Variants in GRIN2A observed in about 807,000 individuals in gnomAD.
GRIN2A encodes glutamate receptor ionotropic, NMDA 2A.
GRIN2A carries 22 observed loss-of-function variants against 113.4 expected under a neutral mutation model. The observed-to-expected ratio is 0.19, with a 90% CI of 0.14 to 0.28. The LOEUF is 0.28. Among genes scored for constraint, GRIN2A ranks in the 10% least tolerant of loss-of-function variants. GRIN2A has a pLI of 1.00. For missense variants in GRIN2A, 1,502 were observed against 1,887.0 expected, an observed-to-expected ratio of 0.80 and a Z score of 3.78; for synonymous variants, 827 against 738.4, an observed-to-expected ratio of 1.12 and a Z score of -1.94.
intron 3 of GRIN2A, among the ~76,000 whole-genome samples, chr16:9,902,587 T>C (rs2043949490): frequency 2.0e-5 from 3 of 152,222 alleles, no homozygotes. Context: ...ACTGGTTATT[T>C]GAACCAAAAT....
intron 11 of GRIN2A, among the ~76,000 whole-genome samples, chr16:9,787,683 A>G (rs562057381): frequency 7.2e-5 from 11 of 152,228 alleles, no homozygotes; most frequent in Non-Finnish European, 1.5e-4. Context: ...TGTGACATGT[A>G]GTTATCCTTC....
At chr16:10,052,610 C>T (rs921614919) in intron 2 of GRIN2A, among the ~76,000 whole-genome samples, 2 of 152,094 alleles carry the variant, frequency 1.3e-5, no homozygotes, top group South Asian at 2.1e-4. Flanking sequence ...GGCTGGCTGG[C>T]GGTAAAGACC....
At chr16:10,026,741 T>C (rs1269747231) in intron 2 of GRIN2A, among the ~76,000 whole-genome samples, 1 of 152,156 alleles carries the variant, frequency 6.6e-6, no homozygotes, top group Non-Finnish European at 1.5e-5. Context: ...CTCCACTCAG[T>C]GAGAAACACG....
chr16:10,026,979 A>G (rs577817571), intron 2 of GRIN2A, among the ~76,000 whole-genome samples: 70 of 152,202 alleles, frequency 4.6e-4, no homozygotes, highest in African/African-American at 1.7e-3. Flanking sequence ...TCAAAACCCC[A>G]TCGCACCACC....
chr16:10,062,758 G>A (rs558742475), intron 2 of GRIN2A, among the ~76,000 whole-genome samples: 131 of 152,168 alleles, frequency 8.6e-4, no homozygotes, highest in African/African-American at 3.1e-3. Context: ...CCGGCTACTC[G>A]GGAGGCAGTG....
chr16:10,033,810 T>C (rs1159609825), intron 2 of GRIN2A: 2 of 152,468 alleles, frequency 1.3e-5, no homozygotes, highest in East Asian at 1.9e-4. Flanking sequence ...GCCTTGTGCG[T>C]ATGCTGATGC....
chr16:9,940,071 T>TGC (rs1457348068), intron 2 of GRIN2A, among the ~76,000 whole-genome samples: 4 of 151,648 alleles, frequency 2.6e-5, no homozygotes, highest in Non-Finnish European at 4.4e-5. Context: ...AGTGTGTGTG[T>TGC]GTGTGTGTGT....
At chr16:9,881,494 A>G (rs1187694606) in intron 4 of GRIN2A, among the ~76,000 whole-genome samples, 1 of 152,360 alleles carries the variant, frequency 6.6e-6, no homozygotes, top group African/African-American at 2.4e-5. Flanking sequence ...AGAATCAGAA[A>G]TGCTGATTCC....
intron 2 of GRIN2A, among the ~76,000 whole-genome samples, chr16:10,168,931 C>T (rs1049282498): frequency 1.3e-5 from 2 of 151,352 alleles, no homozygotes; most frequent in African/African-American, 4.9e-5. Context: ...TGCCATTGAA[C>T]TCCAGCCTGG....
intron 3 of GRIN2A, among the ~76,000 whole-genome samples, chr16:9,917,841 T>G (rs1406630866): frequency 1.3e-5 from 2 of 152,200 alleles, no homozygotes; most frequent in East Asian, 3.8e-4. Context: ...AGATTGCTCC[T>G]TCTGCACTCT....
chr16:9,835,287 T>C (rs912020837), intron 7 of GRIN2A, among the ~76,000 whole-genome samples: 2 of 152,196 alleles, frequency 1.3e-5, no homozygotes, highest in South Asian at 2.1e-4. Flanking sequence ...GATGGATAGA[T>C]GGTTATTTCC....
At chr16:10,076,026 T>A (rs533326072) in intron 2 of GRIN2A, among the ~76,000 whole-genome samples, 1 of 152,118 alleles carries the variant, frequency 6.6e-6, no homozygotes, top group African/African-American at 2.4e-5. Flanking sequence ...CCGAGACCCA[T>A]CTGCAAGAGT....
Position 9,822,460 on chromosome 16 carries a change from G to A in GRIN2A, c.2008-36C>T, listed in dbSNP as rs35524162. The A allele has an allele frequency of 0.023, 32,486 of 1,400,910 alleles. 454 individuals carry two copies. Among genetic ancestry groups the A allele is most frequent in the Non-Finnish European group, 0.028 (27,281 of 986,228 alleles). The allele number at this position is 1,400,910 out of a possible 1,614,324, so 86.8% of individuals were successfully genotyped here. On this transcript the variant is annotated intron_variant, in intron 9 of 12. Transcript: ENST00000330684. The stretch of plus-strand genomic sequence containing the variant: ...AACGAGAAAGGAAGAGAGAGAGTAG[G>A]AAAAGAAAGAGAAGGGAGGAGGGGG...
intron 2 of GRIN2A, among the ~76,000 whole-genome samples, chr16:10,070,314 G>C (rs2047725689): frequency 6.6e-6 from 1 of 152,138 alleles, no homozygotes; most frequent in South Asian, 2.1e-4. Context: ...GGGGTCCATG[G>C]GCCAGCAGCA....
intron 2 of GRIN2A, among the ~76,000 whole-genome samples, chr16:10,090,388 C>G (rs1049706364): frequency 6.6e-6 from 1 of 152,142 alleles, no homozygotes; most frequent in Non-Finnish European, 1.5e-5. Flanking sequence ...AGCTCTGACA[C>G]TGTCAATTGA....
At chr16:10,157,254 G>T (rs2049717116) in intron 2 of GRIN2A, among the ~76,000 whole-genome samples, 1 of 152,134 alleles carries the variant, frequency 6.6e-6, no homozygotes. Context: ...TATAGTGTCA[G>T]AGATTGTTTT....
At chr16:10,099,130 C>T (rs576639599) in intron 2 of GRIN2A, among the ~76,000 whole-genome samples, 1 of 152,298 alleles carries the variant, frequency 6.6e-6, no homozygotes, top group African/African-American at 2.4e-5. Flanking sequence ...ATACCTTGTG[C>T]ATCTGACCTA....
In GRIN2A at chr16:10,173,008, G is replaced by A. The variant is rs181587355; in HGVS notation, c.414+6990C>T. On this transcript the variant is annotated intron_variant, in intron 2 of 12. Coordinates refer to ENST00000330684, the MANE Select transcript of GRIN2A (RefSeq NM_001134407.3). ...GGCTATGAGAAAGAAGATAAACACC[G>A]CTGCAAACCCACCAGACCACAGCTC... Among the ~76,000 whole-genome samples, 293 of 152,200 alleles carry A rather than the reference G, an allele frequency of 1.9e-3. 2 individuals are homozygous for A. Among genetic ancestry groups the A allele is most frequent in the African/African-American group, 6.4e-3 (264 of 41,514 alleles).
chr16:10,158,533 G>A (rs1366984356), intron 2 of GRIN2A, among the ~76,000 whole-genome samples: 1 of 152,152 alleles, frequency 6.6e-6, no homozygotes, highest in Admixed American at 6.5e-5. Flanking sequence ...GCCCATCAAT[G>A]GTTGAATAGA....
Sources: allele counts gnomAD v4.1 joint callset (sites outside exome capture counted in the v4.1 genomes callset), GRCh38; gene constraint gnomAD v4.1.1; transcripts MANE v1.5; gene names NCBI Gene and HGNC (gene_info 2026-07-23, HGNC 2026-07-21).